TTN: variants seen among roughly 807,000 people sequenced by gnomAD.
TTN encodes the protein connectin.
TTN carries 1,525 observed loss-of-function variants against 3,223.0 expected under a neutral mutation model. That is an observed-to-expected ratio of 0.47 (90% confidence interval 0.45 to 0.49). The LOEUF is 0.49. TTN is among the 20% of genes least tolerant of loss of function. The probability of loss-of-function intolerance (pLI) is 0.00; values close to 1 mark genes in which losing one functional copy is unlikely to be tolerated. For synonymous variants in TTN, 14,094 were observed against 15,161.0 expected (o/e 0.93, Z 5.17); for missense variants, 40,786 against 43,424.0 (o/e 0.94, Z 5.40).
chr2:178,633,881 A>G lies in TTN; in HGVS notation c.42618T>C (p.Asp14206=), dbSNP rs775862579. 6 of 1,613,338 alleles carry G rather than the reference A, an allele frequency of 3.7e-6. No individual in the cohort carries two copies. Among genetic ancestry groups the G allele is most frequent in the Non-Finnish European group, 4.2e-6 (5 of 1,179,594 alleles). The change falls in exon 231 of 363, where the codon GAT becomes GAC. Residue 14206 remains aspartate, a synonymous_variant. Coordinates refer to ENST00000589042, the MANE Select transcript of TTN (RefSeq NM_001267550.2). ...HKLEMKEVTL[D]DISQIKAQVK... ...CTTGAGCTTTTATCTGAGATATATC[A>G]TCCAATGTCACTTCTTTCATTTCCA...
Position 178,706,694 on chromosome 2 carries a change from G to A in TTN, c.29180C>T (p.Pro9727Leu). 2 of 1,613,174 alleles carry A rather than the reference G, an allele frequency of 1.2e-6. No homozygotes were observed. Among genetic ancestry groups the A allele is most frequent in the African/African-American group, 1.3e-5 (1 of 74,984 alleles). ...FIAKVGGDPI[P>L]NVKWTKGKWR... ...CTTCCCTTTTGTCCATTTAACATTT[G>A]GGATTGGGTCACCTCCAACTTTTGC... The change falls in exon 102 of 363, where the codon CCA (proline) becomes CTA (leucine). Residue 9727 changes from proline to leucine, a missense_variant. Pro to Leu is a moderately conservative substitution (Grantham distance 98). Transcript: ENST00000589042.
Position 178,789,421 on chromosome 2 carries a change from A to G in TTN, c.2015T>C (p.Ile672Thr), listed in dbSNP as rs948134739. The G allele has an allele frequency of 6.2e-7, 1 of 1,613,490 alleles. No homozygotes were observed. Reference protein sequence around the residue: ...ATAKAKEQETILRTRETMATR... With the variant: ...ATAKAKEQETTLRTRETMATR... ...AGCCATAGTTTCTCTAGTTCTCAGT[A>G]TTGTTTCTTGTTCTTTGGCTTTAGC... Residue 672 changes from isoleucine (I) to threonine (T), a missense_variant, in exon 13 of 363, where the codon ATA becomes ACA. Physicochemically the swap from Ile to Thr is moderately conservative, Grantham distance 89. Coordinates refer to ENST00000589042, the MANE Select transcript of TTN (RefSeq NM_001267550.2).
At chr2:178,689,727 AAACT>A in intron 122 of TTN, 82 bp downstream of exon 122, 5 of 1,452,676 alleles carry the variant, frequency 3.4e-6, no homozygotes, top group Non-Finnish European at 4.7e-6. Context: ...ATTTAGAATT[AAACT>A]AACTCAATGA....
chr2:178,799,298 G>T, intron 6 of TTN, 189 bp downstream of exon 6: 1 of 833,500 alleles, frequency 1.2e-6, no homozygotes, highest in Non-Finnish European at 1.9e-6. Flanking sequence ...GCGGCTGGAT[G>T]TCCAGAGGAA....
rs1340386200 is a variant in TTN at position 178,592,857 on chromosome 2, C to T, written c.59262G>A (p.Lys19754=). ...CTGCATTGACTGCTAACACTCTAAA[C>T]TTATAGGTTTGACCGTCCCGAAGAC... ...VTGLRDGQTY[K]FRVLAVNAAG... is the part of the protein sequence containing the mutation. The change falls in exon 300 of 363, where the codon AAG becomes AAA. Residue 19754 remains lysine, a synonymous_variant. Transcript: ENST00000589042. 1.2e-6 allele frequency: 2 copies of T among 1,613,376 alleles called. No individual in the cohort carries two copies. The highest frequency in any genetic ancestry group is 1.3e-5 in the African/African-American group (1 of 74,892).
Position 178,732,287 on chromosome 2 carries a change from G to A in TTN, c.16682C>T (p.Thr5561Ile), listed in dbSNP as rs1434244184. ...PSQLLKKGDA[T>I]QLACKVTGTP... ...ACCAGTTACTTTGCAGGCTAGCTGG[G>A]TGGCATCTCCCTTCTTTAACAGCTG... is the stretch of plus-strand genomic sequence containing the variant. The change falls in exon 57 of 363, where the codon ACC becomes ATC. Residue 5561 changes from threonine (T) to isoleucine (I), a missense_variant. Thr to Ile is a moderately conservative substitution (Grantham distance 89, BLOSUM62 -1). Coordinates refer to ENST00000589042, the MANE Select transcript of TTN (RefSeq NM_001267550.2). The A allele has an allele frequency of 6.2e-7, 1 of 1,613,292 alleles. No homozygotes were observed. Among genetic ancestry groups the A allele is most frequent in the Non-Finnish European group, 8.5e-7 (1 of 1,179,552 alleles).
At position 178,545,388 on chromosome 2, in the gene TTN, A is replaced by AT; in HGVS notation, c.95721dup (p.Tyr31908IlefsTer20). On this transcript the variant is annotated frameshift_variant and splice_region_variant, in exon 344 of 363. Transcript: ENST00000589042. LOFTEE classifies it high-confidence loss of function. ...TTTATGTATGATTCTTGGAGCTCAC[A>AT]TGATGGTTCTCTGCATGAGATGAAG... is the stretch of plus-strand genomic sequence containing the variant. 1 of 1,555,026 alleles carries AT rather than the reference A, an allele frequency of 6.4e-7. No individual in the cohort carries two copies. The highest frequency in any genetic ancestry group is 8.7e-7 in the Non-Finnish European group (1 of 1,148,706).
chr2:178,779,265 A>C lies in TTN; in HGVS notation c.3927T>G (p.Thr1309=). 6.2e-7 allele frequency: 1 copy of C among 1,613,872 alleles called. No individual in the cohort carries two copies. The highest frequency in any genetic ancestry group is 8.5e-7 in the Non-Finnish European group (1 of 1,179,848). ...NYRILEGMGV[T]FHCKMSGYPL... Reference sequence around the variant, plus strand: ...GATATCCAGACATCTTGCAATGAAAAGTGACACCCATCCCCTCAAGAATTC... The same window carrying C: ...GATATCCAGACATCTTGCAATGAAACGTGACACCCATCCCCTCAAGAATTC... Residue 1309 remains threonine (T), a synonymous_variant, in exon 23 of 363, where the codon ACT becomes ACG. Coordinates refer to ENST00000589042, the MANE Select transcript of TTN (RefSeq NM_001267550.2).
intron 13 of TTN, among the ~76,000 whole-genome samples, chr2:178,787,714 G>C (rs1314359285): frequency 6.6e-6 from 1 of 151,986 alleles, no homozygotes; most frequent in Non-Finnish European, 1.5e-5. Flanking sequence ...TAAACATATG[G>C]AAAAATCTTA....
Position 178,575,684 on chromosome 2 carries a change from G to T in TTN, c.70448C>A (p.Ser23483Tyr). The T allele has an allele frequency of 6.2e-7, 1 of 1,613,536 alleles. No individual in the cohort carries two copies. Among genetic ancestry groups the T allele is most frequent in the Non-Finnish European group, 8.5e-7 (1 of 1,179,646 alleles). ...EKREATRKSY[S>Y]TATTKCHKCT... ...TTTATGGCACTTAGTGGTGGCTGTG[G>T]AATAAGATTTCCGTGTTGCTTCACG... Residue 23483 changes from serine to tyrosine, a missense_variant, in exon 326 of 363, where the codon TCC (serine) becomes TAC (tyrosine). By Grantham distance (144) the Ser-to-Tyr change is moderately radical. Coordinates refer to ENST00000589042, the MANE Select transcript of TTN (RefSeq NM_001267550.2). The surrounding 1 kb of genome is among the most constrained non-coding windows in gnomAD (Gnocchi z 4.0).
rs1199728726 is a variant in TTN, at chr2:178,718,552, C to T, written c.24554G>A (p.Gly8185Glu). The part of the protein sequence containing the change: ...KRLADFSVET[G>E]SPIVLEATYT... ...TGTGGCCTCGAGAACTATGGGGCTT[C>T]CTGTCTCAACACTGAAATCAGCCAA... Residue 8185 changes from glycine (G) to glutamate (E), a missense_variant, in exon 85 of 363, where the codon GGA becomes GAA. Transcript: ENST00000589042. The T allele has an allele frequency of 9.3e-6, 15 of 1,613,584 alleles. No homozygotes were observed. Among genetic ancestry groups the T allele is most frequent in the Non-Finnish European group, 1.2e-5 (14 of 1,179,656 alleles).
chr2:178,733,342 C>T lies in TTN; in HGVS notation c.15951G>A (p.Gln5317=), dbSNP rs1376351122. The change falls in exon 54 of 363, where the codon CAG becomes CAA. Residue 5317 remains glutamine, a synonymous_variant. Transcript: ENST00000589042. ...GCAGCTCAGCTGAATAAAATTTGAG[C>T]TGGGCAACATTGTTTTTAAAACTTA... ...YRISFKNNVA[Q]LKFYSAELHD... 6.2e-7 allele frequency: 1 copy of T among 1,613,796 alleles called. No individual in the cohort carries two copies. Among genetic ancestry groups the T allele is most frequent in the Non-Finnish European group, 8.5e-7 (1 of 1,179,792 alleles).
In TTN at chr2:178,539,480, T is replaced by A. The variant is rs754522958; in HGVS notation, c.98585A>T (p.Glu32862Val). ...GTSLVVKGLKENVEYHFRVSA... is the reference protein window; with the variant it reads ...GTSLVVKGLKVNVEYHFRVSA... Reference sequence around the variant, plus strand: ...AACACGGAAATGGTATTCTACATTCTCTTTGAGGCCTTTTACCACCAGAGA... The same window carrying A: ...AACACGGAAATGGTATTCTACATTCACTTTGAGGCCTTTTACCACCAGAGA... Residue 32862 changes from glutamate to valine, a missense_variant, in exon 352 of 363, where the codon GAG becomes GTG. Glu to Val is a moderately radical substitution (Grantham distance 121). Transcript: ENST00000589042. 4 of 1,613,752 alleles carry A rather than the reference T, an allele frequency of 2.5e-6. No homozygotes were observed. The Admixed American group carries it at 6.7e-5, about 27-fold the overall frequency.
rs761362832 is a variant in TTN at position 178,537,689 on chromosome 2, C to T, written c.99518G>A (p.Cys33173Tyr). 44 of 1,613,626 alleles carry T rather than the reference C, an allele frequency of 2.7e-5. No individual in the cohort carries two copies. In the Admixed American group the frequency reaches 3.5e-4, roughly 13 times the overall value. ...EEQEDEGVYT[C>Y]IATNEVGEVE... Reference sequence around the variant, plus strand: ...TTCTCCAACCTCATTGGTGGCTATGCAGGTATAAACACCTTCATCTTCCTG... The same window carrying T: ...TTCTCCAACCTCATTGGTGGCTATGTAGGTATAAACACCTTCATCTTCCTG... The change falls in exon 355 of 363, where the codon TGC becomes TAC. Residue 33173 changes from cysteine to tyrosine, a missense_variant. Physicochemically the swap from Cys to Tyr is radical, Grantham distance 194. Coordinates refer to ENST00000589042, the MANE Select transcript of TTN (RefSeq NM_001267550.2).
intron 46 of TTN, among the ~76,000 whole-genome samples, chr2:178,755,937 T>C (rs566622129): frequency 2.6e-5 from 4 of 152,198 alleles, no homozygotes; most frequent in South Asian, 2.1e-4. Context: ...TACACTTTCT[T>C]GGTAGTGCGT....
In TTN at chr2:178,769,937, A is replaced by C; in HGVS notation, c.8644T>G (p.Leu2882Val). The change falls in exon 37 of 363, where the codon TTA (leucine) becomes GTA (valine). Residue 2882 changes from leucine to valine, a missense_variant and splice_region_variant. By Grantham distance (32) the Leu-to-Val change is conservative. Transcript: ENST00000589042. ...ECKAKLFVET[L>V]HITKTMKNIE... ...TTTTTCATGGTTTTTGTAATATGTA[A>C]TGCTTGGTAAAATCAAAGAGCACTT... is the stretch of plus-strand genomic sequence containing the variant. 1 of 1,614,118 alleles carries C rather than the reference A, an allele frequency of 6.2e-7. No individual in the cohort carries two copies.
At position 178,536,979 on chromosome 2, in the gene TTN, G is replaced by T; in HGVS notation, c.100130C>A (p.Pro33377His). The change falls in exon 356 of 363, where the codon CCT becomes CAT. Residue 33377 changes from proline to histidine, a missense_variant. Physicochemically the swap from Pro to His is moderately conservative, Grantham distance 77. Transcript: ENST00000589042. ...GATCACAACTGAGGACACTTCTAGA[G>T]GGTCACTGATGCCGAAAGTGTTCTG... Reference protein sequence around the residue: ...SAQNTFGISDPLEVSSVVIIK... With the variant: ...SAQNTFGISDHLEVSSVVIIK... 6.2e-7 allele frequency: 1 copy of T among 1,613,302 alleles called. No individual in the cohort carries two copies. Among genetic ancestry groups the T allele is most frequent in the Non-Finnish European group, 8.5e-7 (1 of 1,179,562 alleles).
At chr2:178,799,305 G>C in intron 6 of TTN, 182 bp downstream of exon 6, 4 of 893,550 alleles carry the variant, frequency 4.5e-6, no homozygotes, top group Non-Finnish European at 5.1e-6. Context: ...GATGTCCAGA[G>C]GAACACGGAG....
In TTN at chr2:178,607,896, C is replaced by T. The variant is rs749503285; in HGVS notation, c.52891G>A (p.Val17631Ile). The T allele has an allele frequency of 1.7e-5, 27 of 1,612,908 alleles. No individual in the cohort carries two copies. Among genetic ancestry groups the T allele is most frequent in the African/African-American group, 1.3e-4 (10 of 74,850 alleles). The change falls in exon 276 of 363, where the codon GTC becomes ATC. Residue 17631 changes from valine to isoleucine, a missense_variant. Transcript: ENST00000589042. ...TCAGCACCCTCTCGGATTTCTTTGA[C>T]GGTGTACTGACGGACCTTGATCATC... ...EKMIKVRQYTVKEIREGADYK... is the reference protein window; with the variant it reads ...EKMIKVRQYTIKEIREGADYK...
Sources: allele counts gnomAD v4.1 joint callset (sites outside exome capture counted in the v4.1 genomes callset), GRCh38; gene constraint gnomAD v4.1.1; non-coding constraint Gnocchi (gnomAD v3.1); transcripts MANE v1.5; gene names NCBI Gene and HGNC (gene_info 2026-07-23, HGNC 2026-07-21).